Variants in TTLL5 observed in about 807,000 individuals in gnomAD.
The protein encoded by TTLL5 is tubulin tyrosine ligase like 5.
In TTLL5, 132 loss-of-function variants were observed where a neutral mutation model predicts 168.4. The observed-to-expected ratio is 0.78, with a 90% confidence interval of 0.68 to 0.91. The LOEUF is 0.91. Among genes scored for constraint, TTLL5 ranks in the 40% least tolerant of loss-of-function variants. The probability of loss-of-function intolerance (pLI) is 0.00; values close to 1 mark genes in which losing one functional copy is unlikely to be tolerated. For synonymous variants in TTLL5, 546 were observed against 558.6 expected, an observed-to-expected ratio of 0.98 and a Z score of 0.32; for missense variants, 1,545 against 1,581.5, an observed-to-expected ratio of 0.98 and a Z score of 0.39.
chr14:75,671,770 T>G (rs149000174), intron 3 of TTLL5, among the ~76,000 whole-genome samples: 98 of 152,336 alleles, frequency 6.4e-4, no homozygotes, highest in African/African-American at 2.3e-3. Flanking sequence ...ATTTATTAGC[T>G]CTAATAGTTT....
At chr14:75,720,780 G>T (rs1438664408) in intron 12 of TTLL5, 77 bp downstream of exon 12, 9 of 1,179,098 alleles carry the variant, frequency 7.6e-6, no homozygotes, top group African/African-American at 1.5e-5. Flanking sequence ...GGGTAGAGAG[G>T]CTTAGTGATT....
At chr14:75,782,433 A>G in intron 24 of TTLL5, 54 bp from the exon 25 acceptor site, 1 of 1,396,052 alleles carries the variant, frequency 7.2e-7, no homozygotes, top group Non-Finnish European at 1.0e-6. Flanking sequence ...TGTATAGAAC[A>G]GCGGACTTGC....
chr14:75,883,009 A>G lies in TTLL5; in HGVS notation c.3740+107A>G, dbSNP rs570919095. 1.3e-5 allele frequency: 16 copies of G among 1,204,992 alleles called. No homozygotes were observed. The Admixed American group carries it at 2.1e-4, about 15-fold the overall frequency. 74.6% of individuals were successfully genotyped at this position (1,204,992 alleles called of 1,614,324 possible). On this transcript the variant is annotated intron_variant, in intron 30 of 31. Transcript: ENST00000298832. ...CGTTCGTACTGAAGTACTGGAAACA[A>G]GAACACCTGCTGGGAAATAAAGGCT...
At chr14:75,890,098 T>G (rs1252504864) in intron 30 of TTLL5, among the ~76,000 whole-genome samples, 1 of 152,188 alleles carries the variant, frequency 6.6e-6, no homozygotes, top group African/African-American at 2.4e-5. Context: ...CCCAGTGTTG[T>G]TTTGGAAAGA....
chr14:75,808,643 A>G (rs1345895601), intron 27 of TTLL5, among the ~76,000 whole-genome samples: 1 of 151,988 alleles, frequency 6.6e-6, no homozygotes, highest in Non-Finnish European at 1.5e-5. Context: ...TGGTCCACTG[A>G]TATTTCCTAT....
chr14:75,775,231 A>G (rs780944013), intron 21 of TTLL5, among the ~76,000 whole-genome samples: 2 of 152,102 alleles, frequency 1.3e-5, no homozygotes, highest in Non-Finnish European at 2.9e-5. Flanking sequence ...TTTATTACAT[A>G]GTTATTTACA....
chr14:75,695,147 G>A (rs2140146042), intron 6 of TTLL5, among the ~76,000 whole-genome samples: 1 of 152,314 alleles, frequency 6.6e-6, no homozygotes, highest in South Asian at 2.1e-4. Context: ...GCAAGGAACA[G>A]CCCTGAGAAA....
chr14:75,724,016 G>GTTT (rs200530235), intron 12 of TTLL5, among the ~76,000 whole-genome samples: 1 of 143,400 alleles, frequency 7.0e-6, no homozygotes. Context: ...TAAGCTAGTT[G>GTTT]TTTTTTTTTT....
At chr14:75,932,006 G>A (rs1029563037) in intron 31 of TTLL5, among the ~76,000 whole-genome samples, 1 of 152,120 alleles carries the variant, frequency 6.6e-6, no homozygotes, top group Non-Finnish European at 1.5e-5. Flanking sequence ...GCATATAGTA[G>A]GTATTCAATA....
Position 75,783,268 on chromosome 14 carries a change from C to T in TTLL5, c.2724C>T (p.Leu908=). The change falls in exon 26 of 32, where the codon CTC becomes CTT. Residue 908 remains leucine, a synonymous_variant. Coordinates refer to ENST00000298832, the MANE Select transcript of TTLL5 (RefSeq NM_015072.5). The part of the protein sequence containing the change: ...THLSSVTTSD[L]SPGPCHHSSL... Reference sequence around the variant, plus strand: ...TGTCATCTGTTACAACCTCTGACCTCTCTCCAGGGCCTTGCCACCATTCTT... The same window carrying T: ...TGTCATCTGTTACAACCTCTGACCTTTCTCCAGGGCCTTGCCACCATTCTT... 1 of 1,614,196 alleles carries T rather than the reference C, an allele frequency of 6.2e-7. No individual in the cohort carries two copies. The highest frequency in any genetic ancestry group is 8.5e-7 in the Non-Finnish European group (1 of 1,180,030).
At chr14:75,904,241 A>T (rs1460671521) in intron 31 of TTLL5, 1 of 1,183,348 alleles carries the variant, frequency 8.5e-7, no homozygotes, top group Non-Finnish European at 1.1e-6. Context: ...AATTACTAGA[A>T]CATGGTAGTT....
At chr14:75,773,237 T>A (rs1354683384) in intron 21 of TTLL5, among the ~76,000 whole-genome samples, 1 of 152,204 alleles carries the variant, frequency 6.6e-6, no homozygotes, top group African/African-American at 2.4e-5. Flanking sequence ...AAATGTTAGC[T>A]CTGCTCTTTC....
chr14:75,745,314 G>A, intron 16 of TTLL5, 106 bp downstream of exon 16: 1 of 1,268,718 alleles, frequency 7.9e-7, no homozygotes, highest in Non-Finnish European at 1.1e-6. Context: ...ACATTGAAAA[G>A]AGAAAGATTC....
intron 28 of TTLL5, among the ~76,000 whole-genome samples, chr14:75,826,822 ACT>A (rs1895172100): frequency 6.6e-6 from 1 of 152,138 alleles, no homozygotes; most frequent in Non-Finnish European, 1.5e-5. Flanking sequence ...TTTCTTTCTG[ACT>A]CATGTAGAAG....
Position 75,669,414 on chromosome 14 carries a change from A to G in TTLL5, c.75-2A>G, listed in dbSNP as rs1314926139. Reference sequence around the variant, plus strand: ...TTAATGAAGGCTTTTTTGTCGTTATAGGGATCATCCATGCATCATGTGGAC... The same window carrying G: ...TTAATGAAGGCTTTTTTGTCGTTATGGGGATCATCCATGCATCATGTGGAC... On this transcript the variant is annotated splice_acceptor_variant, in intron 2 of 31. Coordinates refer to ENST00000298832, the MANE Select transcript of TTLL5 (RefSeq NM_015072.5). LOFTEE classifies it high-confidence loss of function. The G allele has an allele frequency of 6.8e-6, 11 of 1,612,064 alleles. No homozygotes were observed. The highest frequency in any genetic ancestry group is 9.3e-6 in the Non-Finnish European group (11 of 1,178,704).
intron 17 of TTLL5, 83 bp downstream of exon 17, chr14:75,745,664 C>A (rs1594960678): frequency 9.5e-7 from 1 of 1,050,680 alleles, no homozygotes. Context: ...ATCACTGCTC[C>A]CCCCGATGAT....
chr14:75,685,681 C>T (rs1369520921), intron 5 of TTLL5, among the ~76,000 whole-genome samples: 1 of 152,050 alleles, frequency 6.6e-6, no homozygotes, highest in African/African-American at 2.4e-5. Flanking sequence ...ATTCTCAGGT[C>T]CCATTGCAGA....
At chr14:75,890,480 G>T (rs541410753) in intron 30 of TTLL5, among the ~76,000 whole-genome samples, 14 of 152,118 alleles carry the variant, frequency 9.2e-5, no homozygotes, top group East Asian at 7.7e-4. Context: ...GAAAAATTAG[G>T]AGAACACGGC....
At chr14:75,809,192 A>C (rs79368943) in intron 27 of TTLL5, among the ~76,000 whole-genome samples, 81 of 152,188 alleles carry the variant, frequency 5.3e-4, no homozygotes, top group African/African-American at 1.9e-3. Flanking sequence ...CAAACTTATA[A>C]ATTTGCATTA....
Sources: allele counts gnomAD v4.1 joint callset (sites outside exome capture counted in the v4.1 genomes callset), GRCh38; gene constraint gnomAD v4.1.1; transcripts MANE v1.5; gene names NCBI Gene and HGNC (gene_info 2026-07-23, HGNC 2026-07-21).